Variants in CD44 observed in about 807,000 individuals in gnomAD.
CD44 encodes CD44 antigen.
A neutral mutation model predicts 88.8 loss-of-function variants in CD44; 49 were observed. The ratio of observed to expected loss-of-function variants is 0.55; its 90% CI spans 0.44 to 0.70. The LOEUF is 0.70. Among genes scored for constraint, CD44 ranks in the 30% least tolerant of loss-of-function variants. The pLI, the probability that CD44 is intolerant of heterozygous loss-of-function variation, is 0.00. For missense variants in CD44, 883 were observed against 913.8 expected (o/e 0.97, Z 0.43); for synonymous variants, 325 against 312.3 (o/e 1.04, Z -0.43).
chr11:35,159,794 C>T (rs1449876709), intron 1 of CD44, among the ~76,000 whole-genome samples: 1 of 152,164 alleles, frequency 6.6e-6, no homozygotes, highest in Admixed American at 6.5e-5. Context: ...TATGGTGGGG[C>T]TGGAATTCAA....
chr11:35,184,314 G>GA, intron 3 of CD44, among the ~76,000 whole-genome samples: 1 of 152,246 alleles, frequency 6.6e-6, no homozygotes, highest in South Asian at 2.1e-4. Flanking sequence ...ACTGTCTTAG[G>GA]GTTTGTGACA....
chr11:35,182,996 G>A (rs889387872), intron 3 of CD44, among the ~76,000 whole-genome samples: 1 of 152,150 alleles, frequency 6.6e-6, no homozygotes, highest in African/African-American at 2.4e-5. Flanking sequence ...TGTTCATGAG[G>A]TTGGGCCCAT....
chr11:35,176,199 C>T (rs1473075652), intron 1 of CD44, among the ~76,000 whole-genome samples: 3 of 152,112 alleles, frequency 2.0e-5, no homozygotes, highest in Admixed American at 6.5e-5. Context: ...CCCGCCACCA[C>T]GCCCAGCTAA....
intron 1 of CD44, among the ~76,000 whole-genome samples, chr11:35,140,940 G>A (rs1220782141): frequency 3.3e-5 from 5 of 150,132 alleles, no homozygotes. Context: ...AGAATTGCTT[G>A]AACCTAGGAG....
At chr11:35,176,039 ATTTTTTTT>A (rs201610565) in intron 1 of CD44, among the ~76,000 whole-genome samples, 1,268 of 102,246 alleles carry the variant, frequency 0.012, 26 homozygotes, top group African/African-American at 0.039. Flanking sequence ...TAATTTTTGT[ATTTTTTTT>A]TTTTTTTTTT....
chr11:35,156,517 T>C (rs1941887882), intron 1 of CD44, among the ~76,000 whole-genome samples: 1 of 152,184 alleles, frequency 6.6e-6, no homozygotes, highest in East Asian at 1.9e-4. Flanking sequence ...ATGGTGTATG[T>C]TTCTTTTGAG....
At chr11:35,146,544 CT>C (rs1187127171) in intron 1 of CD44, among the ~76,000 whole-genome samples, 1 of 152,194 alleles carries the variant, frequency 6.6e-6, no homozygotes, top group Non-Finnish European at 1.5e-5. Context: ...TATATACTGC[CT>C]TGTTTAATCC....
At position 35,209,964 on chromosome 11, in the gene CD44, G is replaced by T. The variant is rs1361910696; in HGVS notation, c.1517-1G>T. The T allele has an allele frequency of 6.4e-7, 1 of 1,565,448 alleles. No individual in the cohort carries two copies. On this transcript the variant is annotated splice_acceptor_variant, in intron 12 of 17. Transcript: ENST00000428726. LOFTEE classifies it high-confidence loss of function. ...ACTGGATTCATTCCTCATTGAAACAGAGCAGAGTAATTCTCAGAGCTTCTC... is the reference window on the plus strand; with the variant it reads ...ACTGGATTCATTCCTCATTGAAACATAGCAGAGTAATTCTCAGAGCTTCTC...
At chr11:35,155,765 A>G (rs1474995601) in intron 1 of CD44, among the ~76,000 whole-genome samples, 1 of 152,200 alleles carries the variant, frequency 6.6e-6, no homozygotes, top group African/African-American at 2.4e-5. Context: ...AAGAATTCCT[A>G]CGAACCTGAA....
chr11:35,167,000 G>A (rs902270848), intron 1 of CD44, among the ~76,000 whole-genome samples: 1 of 152,224 alleles, frequency 6.6e-6, no homozygotes, highest in East Asian at 1.9e-4. Context: ...GGCGAGTGAT[G>A]TGCCAGCCTT....
chr11:35,151,264 G>A (rs934296226), intron 1 of CD44, among the ~76,000 whole-genome samples: 1 of 151,502 alleles, frequency 6.6e-6, no homozygotes, highest in Admixed American at 6.6e-5. Flanking sequence ...GAGAGATGAG[G>A]TCGGACAGAT....
intron 7 of CD44, 105 bp downstream of exon 7, chr11:35,198,351 G>A: frequency 9.5e-7 from 1 of 1,048,112 alleles, no homozygotes; most frequent in South Asian, 1.6e-5. Context: ...GTGAAAAATG[G>A]GTGAACCTAT....
At chr11:35,209,208 C>A (rs980493831) in intron 12 of CD44, among the ~76,000 whole-genome samples, 48 of 152,216 alleles carry the variant, frequency 3.2e-4, no homozygotes, top group African/African-American at 1.0e-3. Context: ...CAGTACCTTT[C>A]TTAAAAGAAC....
chr11:35,158,905 A>G (rs774681611), intron 1 of CD44, among the ~76,000 whole-genome samples: 15 of 152,258 alleles, frequency 9.9e-5, no homozygotes, highest in Middle Eastern at 6.8e-3. Context: ...ATTACAGTCA[A>G]TCCCCAAGGC....
chr11:35,190,161 C>G (rs1040182876), intron 5 of CD44, 96 bp downstream of exon 5: 1 of 1,062,530 alleles, frequency 9.4e-7, no homozygotes, highest in Non-Finnish European at 1.4e-6. Context: ...CTGATTTTCT[C>G]GTCTCTAGAC....
intron 1 of CD44, among the ~76,000 whole-genome samples, chr11:35,143,441 C>G (rs535865101): frequency 2.0e-5 from 3 of 151,904 alleles, no homozygotes; most frequent in Admixed American, 2.0e-4. Flanking sequence ...ACACCTAGCA[C>G]TCTCTTTAAC....
chr11:35,199,451 C>A (rs544251575), intron 7 of CD44, among the ~76,000 whole-genome samples: 1 of 151,894 alleles, frequency 6.6e-6, no homozygotes, highest in East Asian at 1.9e-4. Flanking sequence ...AGAAAAAAGG[C>A]TTTTGGGGTG....
At chr11:35,226,503 G>A (rs982415374) in intron 17 of CD44, among the ~76,000 whole-genome samples, 1 of 152,148 alleles carries the variant, frequency 6.6e-6, no homozygotes, top group Non-Finnish European at 1.5e-5. Context: ...GAGGCAGCCA[G>A]GAGAAACAAG....
chr11:35,196,863 C>G lies in CD44; in HGVS notation c.785C>G (p.Thr262Arg). ...TCAAAGAATCATCTTCACACAACAA[C>G]ACAAATGGCTGGTAATGAGTTATTA... ...SESKNHLHTT[T>R]QMAGTSSNTI... Residue 262 changes from threonine (T) to arginine (R), a missense_variant, in exon 6 of 18, where the codon ACA becomes AGA. This residue lies in a region of CD44 where 631 missense variants were observed against 590.9 expected (regional missense o/e 1.07). Transcript: ENST00000428726. 1 of 1,613,430 alleles carries G rather than the reference C, an allele frequency of 6.2e-7. No homozygotes were observed. The highest frequency in any genetic ancestry group is 8.5e-7 in the Non-Finnish European group (1 of 1,179,542).
Sources: allele counts gnomAD v4.1 joint callset (sites outside exome capture counted in the v4.1 genomes callset), GRCh38; gene constraint gnomAD v4.1.1; regional missense constraint gnomAD v4.1.1; transcripts MANE v1.5; gene names NCBI Gene and HGNC (gene_info 2026-07-23, HGNC 2026-07-21).